MACIR: variants seen among roughly 807,000 people sequenced by gnomAD.
MACIR encodes the protein macrophage immunometabolism regulator, also known as UNC119-binding protein C5orf30.
A neutral mutation model predicts 14.3 loss-of-function variants in MACIR; 4 were observed. That is an observed-to-expected ratio of 0.28 (90% CI 0.14 to 0.64). MACIR has a LOEUF of 0.64. Among genes scored for constraint, MACIR ranks in the 30% least tolerant of loss-of-function variants. The pLI is 0.83. For synonymous variants in MACIR, 101 were observed against 102.4 expected, an observed-to-expected ratio of 0.99 and a Z score of 0.08; for missense variants, 228 against 257.6, an observed-to-expected ratio of 0.89 and a Z score of 0.79.
Position 103,278,180 on chromosome 5 carries a change from A to G in MACIR, c.*1640A>G, listed in dbSNP as rs782231065. 10 of 167,056 alleles carry G rather than the reference A, an allele frequency of 6.0e-5. No homozygotes were observed. Among genetic ancestry groups the G allele is most frequent in the Non-Finnish European group, 4.4e-5 (3 of 68,100 alleles). 10.3% of individuals were successfully genotyped at this position (167,056 alleles called of 1,614,324 possible). A position where few individuals can be genotyped will look rare whatever the true frequency, so the allele number is the denominator to read the frequency against. On this transcript the variant is annotated 3_prime_UTR_variant, in exon 3 of 3. Transcript: ENST00000319933. ...TTAAAGTAAATTGCACCTTTGTAAC[A>G]TATTGTATTGACGAATGATCACTAA...
At chr5:103,263,557 A>G (rs1477885559) in intron 1 of MACIR, among the ~76,000 whole-genome samples, 1 of 152,210 alleles carries the variant, frequency 6.6e-6, no homozygotes, top group Non-Finnish European at 1.5e-5. Flanking sequence ...ATGTTGAAAA[A>G]GAAACTCTTT....
At chr5:103,274,026 G>C (rs1429620236) in intron 2 of MACIR, among the ~76,000 whole-genome samples, 3 of 151,706 alleles carry the variant, frequency 2.0e-5, no homozygotes, top group African/African-American at 7.3e-5. Context: ...TATTTTTTTT[G>C]CCTCACTGAC....
rs1554237899 is a variant in MACIR, at chr5:103,277,460, C to T, written c.*920C>T. 6.0e-6 allele frequency: 1 copy of T among 166,988 alleles called. No homozygotes were observed. The highest frequency in any genetic ancestry group is 1.9e-4 in the East Asian group (1 of 5,198). 10.3% of individuals were successfully genotyped at this position (166,988 alleles called of 1,614,324 possible). Reference sequence around the variant, plus strand: ...TGAATAATAGTTTAATAGAGGAACTCATGATTTGTACTATTGAATGATTAA... The same window carrying T: ...TGAATAATAGTTTAATAGAGGAACTTATGATTTGTACTATTGAATGATTAA... On this transcript the variant is annotated 3_prime_UTR_variant, in exon 3 of 3. Coordinates refer to ENST00000319933, the MANE Select transcript of MACIR (RefSeq NM_033211.4).
At position 103,278,447 on chromosome 5, in the gene MACIR, T is replaced by C. The variant is rs1346928380; in HGVS notation, c.*1907T>C. The C allele has an allele frequency of 6.0e-6, 1 of 167,098 alleles. No homozygotes were observed. Among genetic ancestry groups the C allele is most frequent in the Non-Finnish European group, 1.5e-5 (1 of 68,112 alleles). 10.4% of individuals were successfully genotyped at this position (167,098 alleles called of 1,614,324 possible). ...CTGTTCAAGAATTCCACTGAAGCAC[T>C]TATTTTAAGGCCCTATTTTTCTTAA... On this transcript the variant is annotated 3_prime_UTR_variant, in exon 3 of 3. Transcript: ENST00000319933.
Position 103,277,647 on chromosome 5 carries a change from A to T in MACIR, c.*1107A>T, listed in dbSNP as rs184844607. On this transcript the variant is annotated 3_prime_UTR_variant, in exon 3 of 3. Transcript: ENST00000319933. ...TTAATCCTGGATTACTTAACAATTTATGTCAATTGCACTGGTTTAATTTGT... is the reference window on the plus strand; with the variant it reads ...TTAATCCTGGATTACTTAACAATTTTTGTCAATTGCACTGGTTTAATTTGT... The T allele has an allele frequency of 0.011, 1,920 of 167,162 alleles. 9 individuals are homozygous for T. The highest frequency in any genetic ancestry group is 0.017 in the Non-Finnish European group (1,177 of 68,076). The allele number at this position is 167,162 out of a possible 1,614,324, so 10.4% of individuals were successfully genotyped here. A position where few individuals can be genotyped will look rare whatever the true frequency, so the allele number is the denominator to read the frequency against.
intron 1 of MACIR, among the ~76,000 whole-genome samples, chr5:103,262,442 A>T (rs1420420296): frequency 6.6e-6 from 1 of 152,338 alleles, no homozygotes; most frequent in South Asian, 2.1e-4. Flanking sequence ...TTGAGAGTTA[A>T]AGGGGGTTGC....
rs141115921 is a variant in MACIR at position 103,269,020 on chromosome 5, A to G, written c.-24+3023A>G. Reference sequence around the variant, plus strand: ...GGATTGCTTGAGACCAGCCTGGACAACATAGTGAGACCTCATCTCTAAAAG... The same window carrying G: ...GGATTGCTTGAGACCAGCCTGGACAGCATAGTGAGACCTCATCTCTAAAAG... On this transcript the variant is annotated intron_variant, in intron 2 of 2. Coordinates refer to ENST00000319933, the MANE Select transcript of MACIR (RefSeq NM_033211.4). Among the ~76,000 whole-genome samples the G allele has an allele frequency of 3.2e-4, 49 of 152,194 alleles. No individual in the cohort carries two copies. In the East Asian group the frequency reaches 8.9e-3, roughly 28 times the overall value.
rs1392044548 is a variant in MACIR at position 103,277,627 on chromosome 5, C to T, written c.*1087C>T. 1 of 166,968 alleles carries T rather than the reference C, an allele frequency of 6.0e-6. No homozygotes were observed. Among genetic ancestry groups the T allele is most frequent in the African/African-American group, 2.4e-5 (1 of 41,494 alleles). 10.3% of individuals were successfully genotyped at this position (166,968 alleles called of 1,614,324 possible). ...GCTTCTACTGTTTTAATGGGTTAAT[C>T]CTGGATTACTTAACAATTTATGTCA... On this transcript the variant is annotated 3_prime_UTR_variant, in exon 3 of 3. Coordinates refer to ENST00000319933, the MANE Select transcript of MACIR (RefSeq NM_033211.4).
intron 1 of MACIR, among the ~76,000 whole-genome samples, chr5:103,261,651 T>C (rs1486762038): frequency 1.2e-5 from 1 of 85,574 alleles, no homozygotes; most frequent in Non-Finnish European, 2.4e-5. Context: ...TCTTTCTTTC[T>C]TTCTTTCTTT....
At chr5:103,268,802 T>C (rs1249586085) in intron 2 of MACIR, among the ~76,000 whole-genome samples, 1 of 152,030 alleles carries the variant, frequency 6.6e-6, no homozygotes, top group Admixed American at 6.6e-5. Context: ...TGGGTTGTAA[T>C]TATGGGCATT....
intron 1 of MACIR, among the ~76,000 whole-genome samples, chr5:103,262,341 C>T (rs1804758877): frequency 6.6e-6 from 1 of 152,124 alleles, no homozygotes. Flanking sequence ...ACCGTTCAAG[C>T]AGAAGGGTGT....
In MACIR at chr5:103,276,675, G is replaced by T. The variant is rs1167488032; in HGVS notation, c.*135G>T. 1 of 826,522 alleles carries T rather than the reference G, an allele frequency of 1.2e-6. No individual in the cohort carries two copies. Among genetic ancestry groups the T allele is most frequent in the East Asian group, 2.7e-5 (1 of 36,902 alleles). 51.2% of individuals were successfully genotyped at this position (826,522 alleles called of 1,614,324 possible). ...TAAGTGTTCCTGGAACATAAAAATT[G>T]TTTGGGTCAAATTTGAATACAGGAA... On this transcript the variant is annotated 3_prime_UTR_variant, in exon 3 of 3. Coordinates refer to ENST00000319933, the MANE Select transcript of MACIR (RefSeq NM_033211.4).
chr5:103,266,896 G>A (rs1804942270), intron 2 of MACIR, among the ~76,000 whole-genome samples: 1 of 152,152 alleles, frequency 6.6e-6, no homozygotes, highest in Admixed American at 6.6e-5. Flanking sequence ...TTATGAAAAT[G>A]CATTTTCGAA....
chr5:103,260,399 C>T (rs1207257481), intron 1 of MACIR, among the ~76,000 whole-genome samples: 1 of 151,946 alleles, frequency 6.6e-6, no homozygotes, highest in African/African-American at 2.4e-5. Flanking sequence ...CTTTTGGCCG[C>T]GATTTATGAT....
At position 103,276,720 on chromosome 5, in the gene MACIR, G is replaced by T. The variant is rs553697555; in HGVS notation, c.*180G>T. 121 of 517,742 alleles carry T rather than the reference G, an allele frequency of 2.3e-4. No individual in the cohort carries two copies. Among genetic ancestry groups the T allele is most frequent in the East Asian group, 1.3e-3 (43 of 32,394 alleles). 32.1% of individuals were successfully genotyped at this position (517,742 alleles called of 1,614,324 possible). ...CAGGAATGAAATCACAGGTACTTGGGGGGGGGATATCATTCTAGAGCACGC... is the reference window on the plus strand; with the variant it reads ...CAGGAATGAAATCACAGGTACTTGGTGGGGGGATATCATTCTAGAGCACGC... On this transcript the variant is annotated 3_prime_UTR_variant, in exon 3 of 3. Transcript: ENST00000319933.
rs1255353822 is a variant in MACIR, at chr5:103,276,895, A to G, written c.*355A>G. The G allele has an allele frequency of 1.1e-5, 2 of 184,912 alleles. No individual in the cohort carries two copies. The highest frequency in any genetic ancestry group is 2.5e-5 in the Non-Finnish European group (2 of 80,156). 11.5% of individuals were successfully genotyped at this position (184,912 alleles called of 1,614,324 possible). Reference sequence around the variant, plus strand: ...GGTTGTTGCTGACTTGATATGATTCATTAGAAATTTATATCTTCAGTACTC... The same window carrying G: ...GGTTGTTGCTGACTTGATATGATTCGTTAGAAATTTATATCTTCAGTACTC... On this transcript the variant is annotated 3_prime_UTR_variant, in exon 3 of 3. Coordinates refer to ENST00000319933, the MANE Select transcript of MACIR (RefSeq NM_033211.4).
chr5:103,275,522 CT>C (rs1295423152), intron 2 of MACIR, among the ~76,000 whole-genome samples: 30 of 152,276 alleles, frequency 2.0e-4, no homozygotes, highest in Middle Eastern at 3.4e-3. Flanking sequence ...TGTATGATGG[CT>C]TTCATTTGCT....
At chr5:103,271,337 CCTCT>C (rs1805117363) in intron 2 of MACIR, among the ~76,000 whole-genome samples, 1 of 152,040 alleles carries the variant, frequency 6.6e-6, no homozygotes, top group Admixed American at 6.6e-5. Context: ...TTAGGTTTGG[CCTCT>C]CAGAGAGTAT....
rs1249263294 is a variant in MACIR, at chr5:103,277,597, A to T, written c.*1057A>T. On this transcript the variant is annotated 3_prime_UTR_variant, in exon 3 of 3. Coordinates refer to ENST00000319933, the MANE Select transcript of MACIR (RefSeq NM_033211.4). ...GTTTCTAGGATTAGTGTAGGAGCCT[A>T]ACGTGCTTCTACTGTTTTAATGGGT... The T allele has an allele frequency of 1.2e-5, 2 of 167,052 alleles. No homozygotes were observed. Among genetic ancestry groups the T allele is most frequent in the East Asian group, 3.8e-4 (2 of 5,200 alleles). 10.3% of individuals were successfully genotyped at this position (167,052 alleles called of 1,614,324 possible).
Sources: allele counts gnomAD v4.1 joint callset (sites outside exome capture counted in the v4.1 genomes callset), GRCh38; gene constraint gnomAD v4.1.1; transcripts MANE v1.5; gene names NCBI Gene and HGNC (gene_info 2026-07-23, HGNC 2026-07-21).